LRRCC1: variants seen among roughly 807,000 people sequenced by gnomAD.
The protein encoded by LRRCC1 is leucine-rich repeat and coiled-coil domain-containing protein 1.
A neutral mutation model predicts 126.0 loss-of-function variants in LRRCC1; 115 were observed. The observed-to-expected ratio is 0.91, with a 90% CI of 0.78 to 1.07. The LOEUF is 1.07. Among genes scored for constraint, LRRCC1 ranks in the 50% least tolerant of loss-of-function variants. The pLI, the probability that LRRCC1 is intolerant of heterozygous loss-of-function variation, is 0.00. For missense variants in LRRCC1, 1,172 were observed against 1,175.7 expected (o/e 1.00, Z 0.05); for synonymous variants, 400 against 393.4 (o/e 1.02, Z -0.20).
chr8:85,117,659 T>A (rs1809226936), intron 6 of LRRCC1, among the ~76,000 whole-genome samples: 1 of 152,146 alleles, frequency 6.6e-6, no homozygotes, highest in South Asian at 2.1e-4. Flanking sequence ...TTATTTTAGT[T>A]TTTCTCCAAC....
At chr8:85,132,681 C>T (rs2135980302) in intron 12 of LRRCC1, among the ~76,000 whole-genome samples, 1 of 152,312 alleles carries the variant, frequency 6.6e-6, no homozygotes, top group South Asian at 2.1e-4. Context: ...GCGTGAGCCA[C>T]TGTGCCCAGC....
chr8:85,135,049 T>C lies in LRRCC1; in HGVS notation c.2154+17T>C. On this transcript the variant is annotated intron_variant, in intron 13 of 18. Transcript: ENST00000360375. ...AATTTACAGGTAAGACTTTGCAACA[T>C]TATATGTTTTAAAATTTTTTTACAT... The C allele has an allele frequency of 6.9e-7, 1 of 1,440,816 alleles. No individual in the cohort carries two copies. The highest frequency in any genetic ancestry group is 9.1e-7 in the Non-Finnish European group (1 of 1,097,492). The allele number at this position is 1,440,816 out of a possible 1,614,324, so 89.3% of individuals were successfully genotyped here. A position where few individuals can be genotyped will look rare whatever the true frequency, so the allele number is the denominator to read the frequency against.
rs778686190 is a variant in LRRCC1 at position 85,129,184 on chromosome 8, A to T, written c.1431A>T (p.Glu477Asp). ...ATAACTTCTGCTTTAGGCTAAAGGA[A>T]ATTATTTTTAGAGAGAGAAATTCCA... ...LALLTTDRLK[E>D]IIFRERNSKG... The change falls in exon 10 of 19, where the codon GAA becomes GAT. Residue 477 changes from glutamate (E) to aspartate (D), a missense_variant. Transcript: ENST00000360375. The T allele has an allele frequency of 6.2e-7, 1 of 1,606,100 alleles. No individual in the cohort carries two copies. Among genetic ancestry groups the T allele is most frequent in the South Asian group, 1.1e-5 (1 of 89,646 alleles).
chr8:85,138,146 C>T lies in LRRCC1; in HGVS notation c.2605C>T (p.Leu869Phe), dbSNP rs1331556178. 1 of 1,610,316 alleles carries T rather than the reference C, an allele frequency of 6.2e-7. No individual in the cohort carries two copies. Among genetic ancestry groups the T allele is most frequent in the Middle Eastern group, 1.7e-4 (1 of 6,048 alleles). ...DEKSSQLDEVLEKLERHNERK... is the reference protein window; with the variant it reads ...DEKSSQLDEVFEKLERHNERK... ...AAAATCTTCACAACTGGATGAGGTA[C>T]TTGAGAAGTTGGAAAGGCACAATGA... Residue 869 changes from leucine (L) to phenylalanine (F), a missense_variant, in exon 16 of 19, where the codon CTT becomes TTT. Coordinates refer to ENST00000360375, the MANE Select transcript of LRRCC1 (RefSeq NM_033402.5).
intron 15 of LRRCC1, among the ~76,000 whole-genome samples, chr8:85,137,833 C>T (rs1310125912): frequency 6.6e-6 from 1 of 152,066 alleles, no homozygotes; most frequent in Non-Finnish European, 1.5e-5. Flanking sequence ...CTTTATACTT[C>T]AGAATTTAAT....
chr8:85,141,585 T>C, intron 18 of LRRCC1, 68 bp downstream of exon 18: 2 of 1,200,488 alleles, frequency 1.7e-6, no homozygotes, highest in Non-Finnish European at 2.3e-6. Flanking sequence ...AATTAGATCT[T>C]CGAGAATTAT....
intron 12 of LRRCC1, among the ~76,000 whole-genome samples, chr8:85,133,448 C>T (rs1245509975): frequency 1.3e-5 from 2 of 152,150 alleles, no homozygotes; most frequent in Non-Finnish European, 2.9e-5. Flanking sequence ...ACTCCTCTAG[C>T]ATCATTATAT....
intron 8 of LRRCC1, 130 bp from the exon 9 acceptor site, chr8:85,126,554 AAAAAT>A (rs926919474): frequency 2.6e-6 from 2 of 760,904 alleles, no homozygotes; most frequent in Non-Finnish European, 4.1e-6. Context: ...TGAGACTCAA[AAAAAT>A]AAAATAAAAA....
chr8:85,136,481 G>C (rs1199442126), intron 14 of LRRCC1, among the ~76,000 whole-genome samples: 1 of 151,958 alleles, frequency 6.6e-6, no homozygotes, highest in East Asian at 1.9e-4. Context: ...AACCATGTTG[G>C]CCAGGCTGGT....
At chr8:85,115,678 C>G (rs1809063864) in intron 6 of LRRCC1, 94 bp downstream of exon 6, 2 of 816,004 alleles carry the variant, frequency 2.5e-6, no homozygotes, top group African/African-American at 3.4e-5. Context: ...GCTGACCAAC[C>G]TATTTTAGTG....
rs1810971483 is a variant in LRRCC1 at position 85,137,712 on chromosome 8, G to T, written c.2493+85G>T. The T allele has an allele frequency of 2.9e-6, 3 of 1,024,844 alleles. No individual in the cohort carries two copies. In the East Asian group the frequency reaches 8.5e-5, roughly 29 times the overall value. The allele number at this position is 1,024,844 out of a possible 1,614,324, so 63.5% of individuals were successfully genotyped here. ...CAAAGTATCCAAAAGCTGTTTTTCA[G>T]TGTTTTCCAACTGTTGTAAAATTTG... On this transcript the variant is annotated intron_variant, in intron 15 of 18. Transcript: ENST00000360375.
At position 85,145,406 on chromosome 8, in the gene LRRCC1, AG is replaced by A. The variant is rs1307893571; in HGVS notation, c.2995del (p.Glu999LysfsTer27). 1.3e-6 allele frequency: 2 copies of A among 1,554,280 alleles called. No individual in the cohort carries two copies. Among genetic ancestry groups the A allele is most frequent in the African/African-American group, 2.8e-5 (2 of 72,156 alleles). Reference sequence around the variant, plus strand: ...CGATTTAGGTCCATCAAATTGAAAAAGAAATGCGTGAACTTTTGGAAGAAAC... The same window carrying A: ...CGATTTAGGTCCATCAAATTGAAAAAAAATGCGTGAACTTTTGGAAGAAAC... The part of the protein sequence containing the change: ...ANLKVHQIEK[E>X]MRELLEETCK... On this transcript the variant is annotated frameshift_variant, in exon 19 of 19. Transcript: ENST00000360375. LOFTEE classifies it high-confidence loss of function.
chr8:85,138,494 A>T lies in LRRCC1; in HGVS notation c.2840+19A>T, dbSNP rs372981797. On this transcript the variant is annotated intron_variant, in intron 17 of 18. Transcript: ENST00000360375. ...TACAAAAGTAAGCATTAGGTTCTAA[A>T]GGATTTGAGATCTCCTTAATCGTAA... 6 of 1,598,860 alleles carry T rather than the reference A, an allele frequency of 3.8e-6. No homozygotes were observed. Among genetic ancestry groups the T allele is most frequent in the Non-Finnish European group, 4.3e-6 (5 of 1,175,096 alleles).
Position 85,126,703 on chromosome 8 carries a change from G to T in LRRCC1, c.1287G>T (p.Gln429His). The T allele has an allele frequency of 6.2e-7, 1 of 1,611,946 alleles. No individual in the cohort carries two copies. The highest frequency in any genetic ancestry group is 1.1e-5 in the South Asian group (1 of 90,964). The change falls in exon 9 of 19, where the codon CAG (glutamine) becomes CAT (histidine). Residue 429 changes from glutamine to histidine, a missense_variant. Transcript: ENST00000360375. Reference protein sequence around the residue: ...EDNTYQSLVEQLDQEREKRWR... With the variant: ...EDNTYQSLVEHLDQEREKRWR... ...TTTTCTTTCAGTCCCTTGTTGAACA[G>T]CTAGACCAAGAGAGAGAGAAGAGAT... is the stretch of plus-strand genomic sequence containing the variant.
Position 85,129,479 on chromosome 8 carries a change from A to C in LRRCC1, c.1626+100A>C, listed in dbSNP as rs1810278556. The C allele has an allele frequency of 3.0e-6, 3 of 987,744 alleles. No individual in the cohort carries two copies. In the Admixed American group the frequency reaches 7.6e-5, roughly 25 times the overall value. The allele number at this position is 987,744 out of a possible 1,614,324, so 61.2% of individuals were successfully genotyped here. ...CTACCTAGAAAACCTAAAAGATGTA[A>C]GGCCATATGCAAAAATTAAATTGCT... On this transcript the variant is annotated intron_variant, in intron 10 of 18. Transcript: ENST00000360375.
intron 3 of LRRCC1, among the ~76,000 whole-genome samples, chr8:85,111,092 T>A (rs1278390307): frequency 6.6e-6 from 1 of 152,150 alleles, no homozygotes; most frequent in Non-Finnish European, 1.5e-5. Flanking sequence ...ACTGAGTTTG[T>A]TTTTGCCGGG....
chr8:85,127,829 C>G (rs1396776116), intron 9 of LRRCC1, among the ~76,000 whole-genome samples: 1 of 152,198 alleles, frequency 6.6e-6, no homozygotes, highest in African/African-American at 2.4e-5. Flanking sequence ...CACCAACTTC[C>G]TGCCTTATTT....
chr8:85,114,271 C>G (rs1245770118), intron 4 of LRRCC1, among the ~76,000 whole-genome samples: 1 of 151,248 alleles, frequency 6.6e-6, no homozygotes, highest in African/African-American at 2.4e-5. Flanking sequence ...CCTCTGGTTT[C>G]TACAATTTGA....
intron 9 of LRRCC1, among the ~76,000 whole-genome samples, chr8:85,128,254 C>T (rs1206578457): frequency 1.3e-5 from 2 of 152,104 alleles, no homozygotes; most frequent in Non-Finnish European, 2.9e-5. Context: ...TATTAGAGGA[C>T]GCTGTGTCTA....
Sources: allele counts gnomAD v4.1 joint callset (sites outside exome capture counted in the v4.1 genomes callset), GRCh38; gene constraint gnomAD v4.1.1; transcripts MANE v1.5; gene names NCBI Gene and HGNC (gene_info 2026-07-23, HGNC 2026-07-21).